GSTK1: variants seen among roughly 807,000 people sequenced by gnomAD.
GSTK1 encodes the protein GST class-kappa.
A neutral mutation model predicts 30.9 loss-of-function variants in GSTK1; 25 were observed. The ratio of observed to expected loss-of-function variants is 0.81; its 90% CI spans 0.59 to 1.13. GSTK1 has a LOEUF of 1.13. GSTK1 is among the 50% of genes most tolerant of loss of function. The pLI, the probability that GSTK1 is intolerant of heterozygous loss-of-function variation, is 0.00. For synonymous variants in GSTK1, 108 were observed against 112.5 expected (o/e 0.96, Z 0.25); for missense variants, 292 against 292.4 (o/e 1.00, Z 0.01).
intron 5 of GSTK1, 27 bp downstream of exon 5, chr7:143,265,323 G>A (rs1161161571): frequency 6.4e-7 from 1 of 1,572,454 alleles, no homozygotes; most frequent in Admixed American, 1.8e-5. Context: ...CACCCCAACT[G>A]CACTCATAGA....
chr7:143,268,938 A>G lies in GSTK1; in HGVS notation c.*101A>G. On this transcript the variant is annotated 3_prime_UTR_variant, in exon 8 of 8. Transcript: ENST00000358406. The surrounding 1 kb of genome is among the most constrained non-coding windows in gnomAD (Gnocchi z 4.1). ...ACTGGGACTCGGATTTCTCTATCTGATAGAGGTATTTTCTGTGGCCCTGGG... is the reference window on the plus strand; with the variant it reads ...ACTGGGACTCGGATTTCTCTATCTGGTAGAGGTATTTTCTGTGGCCCTGGG... 1 of 1,001,928 alleles carries G rather than the reference A, an allele frequency of 1.0e-6. No homozygotes were observed. Among genetic ancestry groups the G allele is most frequent in the Non-Finnish European group, 1.6e-6 (1 of 632,332 alleles). The allele number at this position is 1,001,928 out of a possible 1,614,324, so 62.1% of individuals were successfully genotyped here. A position where few individuals can be genotyped will look rare whatever the true frequency, so the allele number is the denominator to read the frequency against.
chr7:143,268,669 T>C lies in GSTK1; in HGVS notation c.632-119T>C, dbSNP rs1800951674. The C allele has an allele frequency of 7.1e-6, 6 of 845,008 alleles. No individual in the cohort carries two copies. The highest frequency in any genetic ancestry group is 4.0e-6 in the Non-Finnish European group (2 of 503,694). The allele number at this position is 845,008 out of a possible 1,614,324, so 52.3% of individuals were successfully genotyped here. On this transcript the variant is annotated intron_variant, in intron 7 of 7. Coordinates refer to ENST00000358406, the MANE Select transcript of GSTK1 (RefSeq NM_015917.3). This position sits in a 1 kb window ranked among gnomAD's most constrained non-coding sequence, Gnocchi z 4.1. ...AACCCCATAAAAGAAAAGGAAGCCT[T>C]CTATACCTTGAAGCCAAGCAAAAGT...
At position 143,268,582 on chromosome 7, in the gene GSTK1, T is replaced by A. The variant is rs560522869; in HGVS notation, c.632-206T>A. Reference sequence around the variant, plus strand: ...AGAGCAAAAAAATATTCTTGGCACTTCCAGTAACAAAGCGTTATGCAGTCA... The same window carrying A: ...AGAGCAAAAAAATATTCTTGGCACTACCAGTAACAAAGCGTTATGCAGTCA... On this transcript the variant is annotated intron_variant, in intron 7 of 7. Transcript: ENST00000358406. This position sits in a 1 kb window ranked among gnomAD's most constrained non-coding sequence, Gnocchi z 4.1. Among the ~76,000 whole-genome samples the A allele has an allele frequency of 6.6e-6, 1 of 152,260 alleles. No individual in the cohort carries two copies. The highest frequency in any genetic ancestry group is 1.5e-5 in the Non-Finnish European group (1 of 68,010).
intron 3 of GSTK1, 82 bp from the exon 4 acceptor site, chr7:143,264,910 G>A: frequency 1.4e-6 from 2 of 1,452,222 alleles, no homozygotes; most frequent in East Asian, 4.6e-5. Flanking sequence ...AGCTCTGGGG[G>A]ATGTCAGAAG....
intron 2 of GSTK1, 35 bp from the exon 3 acceptor site, chr7:143,264,513 T>C (rs769143703): frequency 6.2e-7 from 1 of 1,612,894 alleles, no homozygotes; most frequent in South Asian, 1.1e-5. Context: ...CCTTAGGTCT[T>C]TTCTCACTTA....
chr7:143,268,623 G>A lies in GSTK1; in HGVS notation c.632-165G>A, dbSNP rs368858947. Among the ~76,000 whole-genome samples, 1 of 152,284 alleles carries A rather than the reference G, an allele frequency of 6.6e-6. No individual in the cohort carries two copies. The highest frequency in any genetic ancestry group is 1.9e-4 in the East Asian group (1 of 5,166). ...TATGCAGTCAGTGCTGTTCAAGGTT[G>A]AGTGGGCAGGGGCTGTCTTCAACCC... On this transcript the variant is annotated intron_variant, in intron 7 of 7. Transcript: ENST00000358406. This position sits in a 1 kb window ranked among gnomAD's most constrained non-coding sequence, Gnocchi z 4.1.
At chr7:143,267,770 C>T in intron 6 of GSTK1, 37 bp downstream of exon 6, 1 of 1,381,918 alleles carries the variant, frequency 7.2e-7, no homozygotes, top group Non-Finnish European at 1.0e-6. Flanking sequence ...AGCACCCATC[C>T]TGAAGATGGA....
At chr7:143,264,286 A>C (rs922278023) in intron 2 of GSTK1, 119 bp downstream of exon 2, 3 of 933,808 alleles carry the variant, frequency 3.2e-6, no homozygotes, top group Non-Finnish European at 5.0e-6. Context: ...TCTACTAAAA[A>C]TACAAAATTA....
rs1297644072 is a variant in GSTK1, at chr7:143,268,803, G to C, written c.647G>C (p.Gly216Ala). 1.2e-6 allele frequency: 2 copies of C among 1,613,962 alleles called. No individual in the cohort carries two copies. Among genetic ancestry groups the C allele is most frequent in the Non-Finnish European group, 1.7e-6 (2 of 1,179,922 alleles). Reference protein sequence around the residue: ...LAHLLGEKWMGPIPPAVNARL With the variant: ...LAHLLGEKWMAPIPPAVNARL ...CTTCATCCAGGAGAGAAGTGGATGG[G>C]CCCTATACCTCCAGCCGTGAATGCC... Residue 216 changes from glycine to alanine, a missense_variant, in exon 8 of 8, where the codon GGC becomes GCC. By Grantham distance (60) the Gly-to-Ala change is moderately conservative. Coordinates refer to ENST00000358406, the MANE Select transcript of GSTK1 (RefSeq NM_015917.3). This position sits in a 1 kb window ranked among gnomAD's most constrained non-coding sequence, Gnocchi z 4.1.
intron 5 of GSTK1, among the ~76,000 whole-genome samples, chr7:143,265,608 C>G (rs758301618): frequency 7.9e-5 from 12 of 152,168 alleles, no homozygotes; most frequent in Non-Finnish European, 1.6e-4. Flanking sequence ...ATAGTATTCA[C>G]AAGTCTCCAC....
rs1366424360 is a variant in GSTK1, at chr7:143,268,007, G to C, written c.538-84G>C. 1.9e-6 allele frequency: 2 copies of C among 1,067,476 alleles called. No individual in the cohort carries two copies. The highest frequency in any genetic ancestry group is 2.8e-6 in the Non-Finnish European group (2 of 719,850). 66.1% of individuals were successfully genotyped at this position (1,067,476 alleles called of 1,614,324 possible). On this transcript the variant is annotated intron_variant, in intron 6 of 7. Coordinates refer to ENST00000358406, the MANE Select transcript of GSTK1 (RefSeq NM_015917.3). This position sits in a 1 kb window ranked among gnomAD's most constrained non-coding sequence, Gnocchi z 4.1. ...AGACCTCTTTGCTTCTGTGAACTCA[G>C]AAAAGTACTGACTCAAAGGTTTCAA... is the stretch of plus-strand genomic sequence containing the variant.
In GSTK1 at chr7:143,268,811, C is replaced by A; in HGVS notation, c.655C>A (p.Pro219Thr). 7 of 1,614,034 alleles carry A rather than the reference C, an allele frequency of 4.3e-6. No homozygotes were observed. Among genetic ancestry groups the A allele is most frequent in the Non-Finnish European group, 5.9e-6 (7 of 1,179,960 alleles). ...LLGEKWMGPI[P>T]PAVNARL ...AGGAGAGAAGTGGATGGGCCCTATA[C>A]CTCCAGCCGTGAATGCCAGACTTTA... is the stretch of plus-strand genomic sequence containing the variant. Residue 219 changes from proline (P) to threonine (T), a missense_variant, in exon 8 of 8, where the codon CCT becomes ACT. Coordinates refer to ENST00000358406, the MANE Select transcript of GSTK1 (RefSeq NM_015917.3). This position sits in a 1 kb window ranked among gnomAD's most constrained non-coding sequence, Gnocchi z 4.1.
chr7:143,263,921 G>A lies in GSTK1; in HGVS notation c.73-165G>A, dbSNP rs148249950. 199 of 645,218 alleles carry A rather than the reference G, an allele frequency of 3.1e-4. 1 individual carries two copies. The highest frequency in any genetic ancestry group is 3.1e-3 in the African/African-American group (169 of 54,994). 40.0% of individuals were successfully genotyped at this position (645,218 alleles called of 1,614,324 possible). A position where few individuals can be genotyped will look rare whatever the true frequency, so the allele number is the denominator to read the frequency against. On this transcript the variant is annotated intron_variant, in intron 1 of 7. Transcript: ENST00000358406. ...AACTGGCCACAGGAGCGAAGATCCT[G>A]GAATAGATTTCTAGTAGTGAGGAGA...
In GSTK1 at chr7:143,264,216, C is replaced by G. The variant is rs373444455; in HGVS notation, c.154+49C>G. On this transcript the variant is annotated intron_variant, in intron 2 of 7. Coordinates refer to ENST00000358406, the MANE Select transcript of GSTK1 (RefSeq NM_015917.3). ...GGGTGATCTCAGTGGCCCAAGAGAG[C>G]CGACCCCAGCGGGTCCTTATATTGG... 1.0e-4 allele frequency: 151 copies of G among 1,497,298 alleles called. No individual in the cohort carries two copies. In the African/African-American group the frequency reaches 1.9e-3, roughly 19 times the overall value. The allele number at this position is 1,497,298 out of a possible 1,614,324, so 92.8% of individuals were successfully genotyped here.
At chr7:143,267,958 G>A in intron 6 of GSTK1, 133 bp from the exon 7 acceptor site, 1 of 730,144 alleles carries the variant, frequency 1.4e-6, no homozygotes, top group Non-Finnish European at 2.3e-6. Flanking sequence ...AAACAGGAAG[G>A]CACCTGGGGC....
chr7:143,266,212 G>A (rs1800875038), intron 5 of GSTK1, among the ~76,000 whole-genome samples: 1 of 151,328 alleles, frequency 6.6e-6, no homozygotes, highest in Non-Finnish European at 1.5e-5. Flanking sequence ...TTTATTTTTT[G>A]TAGAGAAGGG....
chr7:143,267,933 AAG>A (rs1208137182), intron 6 of GSTK1, among the ~76,000 whole-genome samples, 156 bp from the exon 7 acceptor site: 1 of 152,174 alleles, frequency 6.6e-6, no homozygotes, highest in African/African-American at 2.4e-5. Flanking sequence ...AGTGAGAGAA[AAG>A]AGAGCATCTT....
At chr7:143,263,996 C>A in intron 1 of GSTK1, 90 bp from the exon 2 acceptor site, 1 of 1,125,126 alleles carries the variant, frequency 8.9e-7, no homozygotes, top group Non-Finnish European at 1.3e-6. Context: ...ATAACCCCTG[C>A]TCTGCACTTA....
At chr7:143,266,062 G>A (rs896692942) in intron 5 of GSTK1, among the ~76,000 whole-genome samples, 1 of 132,288 alleles carries the variant, frequency 7.6e-6, no homozygotes, top group Admixed American at 8.5e-5. Context: ...ACACGGTCTG[G>A]CTCTGTCGCC....
Sources: gnomAD v4.1 joint callset for allele counts (sites outside exome capture counted in the v4.1 genomes callset) on GRCh38, gnomAD v4.1.1 for gene constraint, Gnocchi (gnomAD v3.1) non-coding constraint, MANE v1.5 for transcripts, NCBI Gene and HGNC (gene_info 2026-07-23, HGNC 2026-07-21) for gene names.